The following PCDH9 variants were observed in gnomAD, a reference collection of about 807,000 sequenced individuals.
PCDH9 encodes the protein protocadherin 9, also known as protocadherin-9.
In PCDH9, 24 loss-of-function variants were observed where a neutral mutation model predicts 70.6. The ratio of observed to expected loss-of-function variants is 0.34; its 90% CI spans 0.25 to 0.48. PCDH9 has a LOEUF of 0.48. PCDH9 is among the 20% of genes least tolerant of loss of function. The pLI is 0.99. For missense variants in PCDH9, 1,281 were observed against 1,503.6 expected, an observed-to-expected ratio of 0.85 and a Z score of 2.45; for synonymous variants, 562 against 558.5, an observed-to-expected ratio of 1.01 and a Z score of -0.09.
At chr13:66,424,590 C>A (rs1432151048) in intron 4 of PCDH9, among the ~76,000 whole-genome samples, 3 of 151,932 alleles carry the variant, frequency 2.0e-5, no homozygotes. Flanking sequence ...TAGCTGATGA[C>A]AACACTGCAT....
chr13:66,563,918 C>T (rs372476423), intron 4 of PCDH9, among the ~76,000 whole-genome samples: 3 of 151,714 alleles, frequency 2.0e-5, no homozygotes, highest in Admixed American at 2.0e-4. Flanking sequence ...TTATTATTAA[C>T]GCAGGGTGTT....
Position 66,380,789 on chromosome 13 carries a change from C to T in PCDH9, c.3341-75761G>A, listed in dbSNP as rs1336423696. Among the ~76,000 whole-genome samples, 4 of 152,152 alleles carry T rather than the reference C, an allele frequency of 2.6e-5. No homozygotes were observed. The South Asian group carries it at 6.2e-4, about 24-fold the overall frequency. ...CGATCTCCTGACCTCGTGATCCACC[C>T]GCCTCGGCCTCCCAGAGTGCTGGGA... On this transcript the variant is annotated intron_variant, in intron 4 of 4. Transcript: ENST00000377865.
At position 67,059,045 on chromosome 13, in the gene PCDH9, A is replaced by G. The variant is rs138802199; in HGVS notation, c.3037-155440T>C. On this transcript the variant is annotated intron_variant, in intron 2 of 4. Transcript: ENST00000377865. ...TCTTCTTACATAGCTGTTCCCTGGG[A>G]GAGTCTGAGCTCTCACAGGGCCTCT... Among the ~76,000 whole-genome samples the G allele has an allele frequency of 4.2e-3, 633 of 152,008 alleles. 5 individuals carry two copies. Among genetic ancestry groups the G allele is most frequent in the African/African-American group, 0.015 (608 of 41,470 alleles).
At chr13:66,464,094 T>C (rs1958473075) in intron 4 of PCDH9, among the ~76,000 whole-genome samples, 2 of 151,896 alleles carry the variant, frequency 1.3e-5, no homozygotes, top group African/African-American at 4.8e-5. Context: ...TATTTTGTAA[T>C]ATGAAATCAA....
intron 4 of PCDH9, among the ~76,000 whole-genome samples, chr13:66,605,360 C>T (rs2077210442): frequency 6.6e-6 from 1 of 152,070 alleles, no homozygotes; most frequent in South Asian, 2.1e-4. Flanking sequence ...CTTTGGAATC[C>T]AGAGGACTAC....
chr13:66,415,967 T>C (rs1369943808), intron 4 of PCDH9, among the ~76,000 whole-genome samples: 3 of 152,174 alleles, frequency 2.0e-5, no homozygotes, highest in African/African-American at 7.2e-5. Context: ...ATTTTCCTGA[T>C]TATTGTCACA....
chr13:67,169,627 G>A (rs745493799), intron 2 of PCDH9, among the ~76,000 whole-genome samples: 10 of 152,040 alleles, frequency 6.6e-5, no homozygotes, highest in East Asian at 1.9e-4. Flanking sequence ...TGTAGCTATC[G>A]AAACTGCTGA....
intron 4 of PCDH9, among the ~76,000 whole-genome samples, chr13:66,420,425 C>G (rs912329430): frequency 5.9e-5 from 9 of 152,158 alleles, no homozygotes; most frequent in African/African-American, 2.2e-4. Context: ...CAGGAGAGCT[C>G]CAGCTGGCAT....
chr13:66,574,089 G>A (rs9540824), intron 4 of PCDH9, among the ~76,000 whole-genome samples: 51,901 of 151,934 alleles, frequency 0.34, 9,284 homozygotes, highest in African/African-American at 0.44. Context: ...ACTTGCCTAC[G>A]GCAAAGCTGC....
chr13:66,635,709 A>C (rs2077628291), intron 3 of PCDH9, among the ~76,000 whole-genome samples: 1 of 152,096 alleles, frequency 6.6e-6, no homozygotes, highest in Non-Finnish European at 1.5e-5. Flanking sequence ...CATTGCTTGA[A>C]TGGTTCTCTT....
chr13:66,978,792 A>G (rs948396832), intron 2 of PCDH9, among the ~76,000 whole-genome samples: 1 of 113,028 alleles, frequency 8.8e-6, no homozygotes, highest in African/African-American at 3.2e-5. Flanking sequence ...CTTCATATAT[A>G]TGTACATAAA....
intron 3 of PCDH9, among the ~76,000 whole-genome samples, chr13:66,825,438 G>A (rs995303875): frequency 2.1e-5 from 3 of 140,842 alleles, no homozygotes; most frequent in South Asian, 2.3e-4. Context: ...CCGGGTTCAC[G>A]CCATTCTCCT....
chr13:66,762,434 C>T (rs148180618), intron 3 of PCDH9, among the ~76,000 whole-genome samples: 2 of 152,090 alleles, frequency 1.3e-5, no homozygotes, highest in South Asian at 2.1e-4. Context: ...GTGTTAAGGA[C>T]CAAGGCAAAA....
intron 2 of PCDH9, among the ~76,000 whole-genome samples, chr13:66,979,310 C>T (rs781580800): frequency 6.6e-6 from 1 of 152,072 alleles, no homozygotes; most frequent in African/African-American, 2.4e-5. Context: ...CCAATGAAAC[C>T]TTGCATCACA....
intron 3 of PCDH9, among the ~76,000 whole-genome samples, chr13:66,664,978 T>C (rs773345848): frequency 6.6e-6 from 1 of 152,134 alleles, no homozygotes; most frequent in Non-Finnish European, 1.5e-5. Context: ...GCAGTCTACT[T>C]ACACAAGCTT....
chr13:66,702,438 TG>T (rs370410463), intron 3 of PCDH9, among the ~76,000 whole-genome samples: 42 of 152,216 alleles, frequency 2.8e-4, no homozygotes, highest in African/African-American at 8.4e-4. Context: ...GGGGAGATAT[TG>T]AAAAGATACA....
chr13:66,827,463 C>T (rs2080845855), intron 3 of PCDH9, among the ~76,000 whole-genome samples: 1 of 151,738 alleles, frequency 6.6e-6, no homozygotes, highest in African/African-American at 2.4e-5. Flanking sequence ...AAAATAAAGG[C>T]TCTCAGAGGC....
At chr13:66,722,109 G>T (rs536944708) in intron 3 of PCDH9, among the ~76,000 whole-genome samples, 3 of 152,198 alleles carry the variant, frequency 2.0e-5, no homozygotes. Flanking sequence ...GAGTGACCTA[G>T]ATAATCACGG....
intron 4 of PCDH9, among the ~76,000 whole-genome samples, chr13:66,306,832 C>G (rs1284958717): frequency 6.6e-6 from 1 of 151,840 alleles, no homozygotes; most frequent in Non-Finnish European, 1.5e-5. Flanking sequence ...TTTCTTTGCC[C>G]TCTACAATCT....
Sources: gnomAD v4.1 joint callset for allele counts (sites outside exome capture counted in the v4.1 genomes callset) on GRCh38, gnomAD v4.1.1 for gene constraint, MANE v1.5 for transcripts, NCBI Gene and HGNC (gene_info 2026-07-23, HGNC 2026-07-21) for gene names.